The following ANXA8 variants were observed in gnomAD, a reference collection of about 807,000 sequenced individuals.
ANXA8 encodes the protein VAC-beta.
Under a neutral mutation model 26.8 loss-of-function variants are expected in ANXA8, and 9 were observed. The observed-to-expected ratio is 0.34, with a 90% confidence interval of 0.20 to 0.59. ANXA8 has a LOEUF of 0.59. ANXA8 is among the 20% of genes least tolerant of loss of function. The pLI, the probability that ANXA8 is intolerant of heterozygous loss-of-function variation, is 0.84. For missense variants in ANXA8, 83 were observed against 238.5 expected, an observed-to-expected ratio of 0.35 and a Z score of 4.29; for synonymous variants, 39 against 94.8, an observed-to-expected ratio of 0.41 and a Z score of 3.42.
the ANXA8 span, chr10:47,970,223 T>C: frequency 1.2e-4 from 18 of 151,432 alleles, 1 homozygote; most frequent in Non-Finnish European, 8.9e-5. Flanking sequence ...TAGCTGCCTC[T>C]TGCTATGTGC....
At chr10:47,776,510 G>A in the ANXA8 span, among the ~76,000 whole-genome samples, 100 of 151,882 alleles carry the variant, frequency 6.6e-4, 1 homozygote, top group East Asian at 0.018. Context: ...CCTTCTCTGG[G>A]CGGCTCCAGT....
chr10:47,650,679 T>C, the ANXA8 span, among the ~76,000 whole-genome samples: 5 of 138,030 alleles, frequency 3.6e-5, no homozygotes, highest in East Asian at 1.1e-3. Context: ...TAGTGGCGGG[T>C]GCCTGTAGTC....
chr10:47,604,785 G>A, the ANXA8 span, among the ~76,000 whole-genome samples: 5 of 152,414 alleles, frequency 3.3e-5, no homozygotes, highest in Admixed American at 6.5e-5. Flanking sequence ...GATGACAGTG[G>A]ATAAGCATGG....
At chr10:47,942,133 T>C in the ANXA8 span, among the ~76,000 whole-genome samples, 1 of 147,248 alleles carries the variant, frequency 6.8e-6, no homozygotes, top group Non-Finnish European at 1.5e-5. Context: ...ACCCCAGTGA[T>C]CATGGGATTG....
At chr10:47,647,539 G>T in the ANXA8 span, among the ~76,000 whole-genome samples, 2,538 of 148,418 alleles carry the variant, frequency 0.017, 15 homozygotes, top group African/African-American at 0.061. Context: ...AGATAGACCT[G>T]TATGACTTCA....
At chr10:47,482,215 C>A (rs1445070922) in intron 1 of ANXA8, among the ~76,000 whole-genome samples, 1 of 130,304 alleles carries the variant, frequency 7.7e-6, no homozygotes, top group African/African-American at 3.3e-5. Context: ...AACTTGCTAC[C>A]CCTAGCCAGC....
At chr10:47,508,043 C>T in the ANXA8 span, among the ~76,000 whole-genome samples, 3 of 132,006 alleles carry the variant, frequency 2.3e-5, no homozygotes, top group Non-Finnish European at 3.2e-5. Flanking sequence ...TACAAGTTTG[C>T]GCCACTATGC....
chr10:47,571,020 C>T, the ANXA8 span, among the ~76,000 whole-genome samples: 3 of 150,286 alleles, frequency 2.0e-5, no homozygotes, highest in South Asian at 6.3e-4. Context: ...ATCTCACTCA[C>T]ACTTTTATAG....
chr10:47,959,182 G>A, the ANXA8 span, among the ~76,000 whole-genome samples: 1 of 146,580 alleles, frequency 6.8e-6, no homozygotes, highest in Non-Finnish European at 1.5e-5. Flanking sequence ...TGGACATCCC[G>A]AGGTAGAGAC....
At chr10:47,507,862 G>A in the ANXA8 span, among the ~76,000 whole-genome samples, 4 of 103,292 alleles carry the variant, frequency 3.9e-5, no homozygotes, top group African/African-American at 1.1e-4. Flanking sequence ...CTTTTCTACC[G>A]ATGAAACCTT....
the ANXA8 span, among the ~76,000 whole-genome samples, chr10:47,567,604 GT>G: frequency 6.6e-6 from 1 of 151,838 alleles, no homozygotes; most frequent in Non-Finnish European, 1.5e-5. Context: ...CAAAAGTCCT[GT>G]TCCCGTTCCC....
chr10:47,513,426 TG>T, the ANXA8 span, among the ~76,000 whole-genome samples: 2 of 142,258 alleles, frequency 1.4e-5, no homozygotes, highest in Non-Finnish European at 3.1e-5. Flanking sequence ...TGCTCATGAA[TG>T]GGTAGAATGA....
chr10:47,657,032 C>T, the ANXA8 span, among the ~76,000 whole-genome samples: 1 of 148,228 alleles, frequency 6.7e-6, no homozygotes. Flanking sequence ...GTTGACAATA[C>T]TTAAATGTTA....
At chr10:47,975,089 T>C in the ANXA8 span, among the ~76,000 whole-genome samples, 4 of 149,800 alleles carry the variant, frequency 2.7e-5, no homozygotes, top group Non-Finnish European at 6.0e-5. Flanking sequence ...GAGTTGTTTT[T>C]TTTTTCTAGA....
the ANXA8 span, among the ~76,000 whole-genome samples, chr10:47,570,669 C>A: frequency 6.6e-6 from 1 of 150,586 alleles, no homozygotes; most frequent in African/African-American, 2.5e-5. Flanking sequence ...GTGGTCCCAA[C>A]TACTAAGATG....
the ANXA8 span, among the ~76,000 whole-genome samples, chr10:47,527,985 AG>A: frequency 6.8e-6 from 1 of 146,944 alleles, no homozygotes; most frequent in Non-Finnish European, 1.5e-5. Flanking sequence ...TTCCTACAAA[AG>A]CAAGAAGGGA....
chr10:47,627,480 T>C, the ANXA8 span, among the ~76,000 whole-genome samples: 1 of 150,056 alleles, frequency 6.7e-6, no homozygotes, highest in Admixed American at 6.6e-5. Flanking sequence ...CCACTGACTG[T>C]TGAAATATAA....
the ANXA8 span, among the ~76,000 whole-genome samples, chr10:47,553,700 C>T: frequency 6.6e-6 from 1 of 150,840 alleles, no homozygotes; most frequent in South Asian, 2.1e-4. Flanking sequence ...CCTCCCGATT[C>T]AGCCCCACCC....
chr10:47,689,566 G>A, the ANXA8 span: 2 of 514,398 alleles, frequency 3.9e-6, no homozygotes, highest in Non-Finnish European at 6.8e-6. Flanking sequence ...ATAATTAAAT[G>A]GCATATCAAA....
Sources: gnomAD v4.1 joint callset for allele counts (sites outside exome capture counted in the v4.1 genomes callset) on GRCh38, gnomAD v4.1.1 for gene constraint, MANE v1.5 for transcripts, NCBI Gene and HGNC (gene_info 2026-07-23, HGNC 2026-07-21) for gene names.